The following C5orf24 variants were observed in gnomAD, a reference collection of about 807,000 sequenced individuals.
The protein encoded by C5orf24 is UPF0461 protein C5orf24.
C5orf24 carries 4 observed loss-of-function variants against 9.8 expected under a neutral mutation model. That is an observed-to-expected ratio of 0.41 (90% CI 0.20 to 0.93). C5orf24 has a LOEUF of 0.93. Among genes scored for constraint, C5orf24 ranks in the 40% least tolerant of loss-of-function variants. C5orf24 has a pLI of 0.33. For synonymous variants in C5orf24, 73 were observed against 81.3 expected (o/e 0.90, Z 0.55); for missense variants, 170 against 236.9 (o/e 0.72, Z 1.85).
chr5:134,841,977 A>G (rs1280642512), upstream of C5orf24, among the ~76,000 whole-genome samples: 1 of 152,194 alleles, frequency 6.6e-6, no homozygotes, highest in East Asian at 1.9e-4. Context: ...GACAGTGGGT[A>G]GACATTAGTA....
chr5:134,850,994 ATATTTATTTATTTATT>A (rs34043118), intron 1 of C5orf24, among the ~76,000 whole-genome samples: 84 of 147,596 alleles, frequency 5.7e-4, no homozygotes, highest in Middle Eastern at 3.5e-3. Flanking sequence ...AGAAATACAT[ATATTTATTTATTTATT>A]TATTTATTTA....
chr5:134,857,169 A>C lies in C5orf24; in HGVS notation c.*1702A>C. 1 of 1,323,814 alleles carries C rather than the reference A, an allele frequency of 7.6e-7. No homozygotes were observed. The highest frequency in any genetic ancestry group is 9.7e-7 in the Non-Finnish European group (1 of 1,027,192). The allele number at this position is 1,323,814 out of a possible 1,614,324, so 82.0% of individuals were successfully genotyped here. On this transcript the variant is annotated 3_prime_UTR_variant, in exon 2 of 2. Transcript: ENST00000394976. ...CTTCAGACTTGAAAAAATTCCACTT[A>C]ACTTTAAAGTTACAATGTTTGTATT...
In C5orf24 at chr5:134,855,623, A is replaced by G; in HGVS notation, c.*156A>G. On this transcript the variant is annotated 3_prime_UTR_variant, in exon 2 of 2. Coordinates refer to ENST00000394976, the MANE Select transcript of C5orf24 (RefSeq NM_001135586.1). Reference sequence around the variant, plus strand: ...CCTGCTTTTGCTCAAAAACTGCCATATGCTGACAGATGCACTCAGGGCATG... The same window carrying G: ...CCTGCTTTTGCTCAAAAACTGCCATGTGCTGACAGATGCACTCAGGGCATG... The G allele has an allele frequency of 6.8e-7, 1 of 1,476,782 alleles. No homozygotes were observed. The highest frequency in any genetic ancestry group is 8.9e-7 in the Non-Finnish European group (1 of 1,119,330). 91.5% of individuals were successfully genotyped at this position (1,476,782 alleles called of 1,614,324 possible).
At chr5:134,839,927 C>T in the C5orf24 span, among the ~76,000 whole-genome samples, 1 of 152,122 alleles carries the variant, frequency 6.6e-6, no homozygotes. Context: ...AACTCCTGAC[C>T]TCAAGTGATC....
rs1024079232 is a variant in C5orf24, at chr5:134,858,496, A to G, written c.*3029A>G. On this transcript the variant is annotated 3_prime_UTR_variant, in exon 2 of 2. Transcript: ENST00000394976. ...AAACTGGCCTTTTCTCCCCCACTGTATGATTGTTTCTTGAAAGGTAAATTG... is the reference window on the plus strand; with the variant it reads ...AAACTGGCCTTTTCTCCCCCACTGTGTGATTGTTTCTTGAAAGGTAAATTG... The G allele has an allele frequency of 3.6e-5, 6 of 166,980 alleles. No homozygotes were observed. The highest frequency in any genetic ancestry group is 7.2e-5 in the African/African-American group (3 of 41,452). 10.3% of individuals were successfully genotyped at this position (166,980 alleles called of 1,614,324 possible).
chr5:134,836,908 A>G, the C5orf24 span, among the ~76,000 whole-genome samples: 8 of 152,216 alleles, frequency 5.3e-5, no homozygotes, highest in African/African-American at 1.9e-4. Flanking sequence ...CAGTTCATAT[A>G]CATAATCAAG....
chr5:134,838,648 A>T, the C5orf24 span, among the ~76,000 whole-genome samples: 1 of 152,110 alleles, frequency 6.6e-6, no homozygotes, highest in East Asian at 1.9e-4. Context: ...TCTCAAACAA[A>T]CAAATAAAAG....
intron 1 of C5orf24, among the ~76,000 whole-genome samples, chr5:134,848,751 A>C (rs1264567776): frequency 2.0e-5 from 3 of 149,546 alleles, no homozygotes. Flanking sequence ...ACCTGAGGTC[A>C]GGAGTTCGAG....
At chr5:134,851,964 C>CG (rs1561886921) in intron 1 of C5orf24, among the ~76,000 whole-genome samples, 1 of 152,118 alleles carries the variant, frequency 6.6e-6, no homozygotes, top group Non-Finnish European at 1.5e-5. Flanking sequence ...TGTTTTGAGA[C>CG]GGAGTCTTGC....
intron 1 of C5orf24, among the ~76,000 whole-genome samples, chr5:134,851,685 A>G (rs969627564): frequency 6.6e-6 from 1 of 152,152 alleles, no homozygotes; most frequent in African/African-American, 2.4e-5. Context: ...CAAAAGTCAT[A>G]TTTGGCTAAC....
intron 1 of C5orf24, among the ~76,000 whole-genome samples, chr5:134,847,116 G>A (rs1263493559): frequency 6.6e-6 from 1 of 152,160 alleles, no homozygotes; most frequent in Non-Finnish European, 1.5e-5. Context: ...GAAAGGAATT[G>A]TTCTATAAAG....
In C5orf24 at chr5:134,855,000, A is replaced by G. The variant is rs890969326; in HGVS notation, c.100A>G (p.Ile34Val). Residue 34 changes from isoleucine to valine, a missense_variant, in exon 2 of 2, where the codon ATA (isoleucine) becomes GTA (valine). By Grantham distance (29) the Ile-to-Val change is conservative (BLOSUM62 3). Around this residue, in one of 3 missense-constraint regions of C5orf24, gnomAD observed 93 missense variants for 104.5 expected, o/e 0.89. Transcript: ENST00000394976. ...DAMRAADQFD[I>V]YSSQQSKYSH... ...CATGAGAGCTGCTGATCAGTTTGAC[A>G]TATATTCCTCCCAGCAAAGCAAATA... 1.2e-5 allele frequency: 19 copies of G among 1,614,032 alleles called. No individual in the cohort carries two copies. Among genetic ancestry groups the G allele is most frequent in the Non-Finnish European group, 1.4e-5 (17 of 1,180,038 alleles).
rs1233445174 is a variant in C5orf24, at chr5:134,857,248, T to G, written c.*1781T>G. On this transcript the variant is annotated 3_prime_UTR_variant, in exon 2 of 2. Transcript: ENST00000394976. ...ATGTAGAATTGCAGGACCCAAAAAC[T>G]TTTAAAATAATTAAAATTTTAAAAG... The G allele has an allele frequency of 3.0e-6, 4 of 1,354,660 alleles. No individual in the cohort carries two copies. The Admixed American group carries it at 1.2e-4, about 42-fold the overall frequency. The allele number at this position is 1,354,660 out of a possible 1,614,324, so 83.9% of individuals were successfully genotyped here. A position where few individuals can be genotyped will look rare whatever the true frequency, so the allele number is the denominator to read the frequency against.
At chr5:134,853,382 C>T (rs931422548) in intron 1 of C5orf24, among the ~76,000 whole-genome samples, 2 of 145,972 alleles carry the variant, frequency 1.4e-5, no homozygotes, top group East Asian at 4.0e-4. Context: ...AAAAAAAAAC[C>T]TGTCATTTCC....
the C5orf24 span, among the ~76,000 whole-genome samples, chr5:134,837,229 T>C: frequency 6.6e-6 from 1 of 152,302 alleles, no homozygotes; most frequent in South Asian, 2.1e-4. Context: ...CGCCTTGACC[T>C]CCCAAAGTGC....
chr5:134,857,486 G>T lies in C5orf24; in HGVS notation c.*2019G>T. 7.1e-7 allele frequency: 1 copy of T among 1,416,810 alleles called. No individual in the cohort carries two copies. Among genetic ancestry groups the T allele is most frequent in the South Asian group, 1.6e-5 (1 of 60,750 alleles). The allele number at this position is 1,416,810 out of a possible 1,614,324, so 87.8% of individuals were successfully genotyped here. A position where few individuals can be genotyped will look rare whatever the true frequency, so the allele number is the denominator to read the frequency against. ...TATGTGCACTGGCGTCTAAGACAGTGACCTCAACAATATTAGCTTTGCACA... is the reference window on the plus strand; with the variant it reads ...TATGTGCACTGGCGTCTAAGACAGTTACCTCAACAATATTAGCTTTGCACA... On this transcript the variant is annotated 3_prime_UTR_variant, in exon 2 of 2. Coordinates refer to ENST00000394976, the MANE Select transcript of C5orf24 (RefSeq NM_001135586.1).
chr5:134,834,261 A>G, the C5orf24 span, among the ~76,000 whole-genome samples: 72 of 152,178 alleles, frequency 4.7e-4, no homozygotes, highest in Non-Finnish European at 8.1e-4. Context: ...TGAACTTGGT[A>G]GTGATTGGAT....
rs1756324057 is a variant in C5orf24, at chr5:134,856,714, A to G, written c.*1247A>G. The G allele has an allele frequency of 1.0e-6, 1 of 993,700 alleles. No homozygotes were observed. The highest frequency in any genetic ancestry group is 1.2e-6 in the Non-Finnish European group (1 of 824,216). 61.6% of individuals were successfully genotyped at this position (993,700 alleles called of 1,614,324 possible). On this transcript the variant is annotated 3_prime_UTR_variant, in exon 2 of 2. Transcript: ENST00000394976. The stretch of plus-strand genomic sequence containing the variant: ...TTATTGATGTTGCTCATTTATTTGG[A>G]ACGTTTTTAGTTTTTCTCAGAAATT...
At chr5:134,844,079 G>A (rs1199128374), upstream of C5orf24, among the ~76,000 whole-genome samples, 1 of 152,124 alleles carries the variant, frequency 6.6e-6, no homozygotes, top group Non-Finnish European at 1.5e-5. Flanking sequence ...GACTTTTTTA[G>A]AATGAAAATT....
Sources: gnomAD v4.1 joint callset for allele counts (sites outside exome capture counted in the v4.1 genomes callset) on GRCh38, gnomAD v4.1.1 for gene constraint, gnomAD v4.1.1 regional missense constraint, MANE v1.5 for transcripts, NCBI Gene and HGNC (gene_info 2026-07-23, HGNC 2026-07-21) for gene names.